The following THADA variants were observed in gnomAD, a reference collection of about 807,000 sequenced individuals.
THADA encodes THADA armadillo repeat containing.
THADA carries 213 observed loss-of-function variants against 219.8 expected under a neutral mutation model. The ratio of observed to expected loss-of-function variants is 0.97; its 90% confidence interval spans 0.87 to 1.09. THADA has a LOEUF of 1.09. Among genes scored for constraint, THADA ranks in the 50% least tolerant of loss-of-function variants. The pLI is 0.00. For missense variants in THADA, 2,956 were observed against 2,311.3 expected (o/e 1.28, Z -5.72); for synonymous variants, 1,018 against 828.9 (o/e 1.23, Z -3.92).
intron 26 of THADA, among the ~76,000 whole-genome samples, chr2:43,480,294 A>G (rs1337178114): frequency 1.3e-5 from 2 of 152,174 alleles, no homozygotes; most frequent in African/African-American, 4.8e-5. Context: ...CCCACGCACT[A>G]AAGAAATGTT....
At position 43,574,982 on chromosome 2, in the gene THADA, T is replaced by C. The variant is rs1699705768; in HGVS notation, c.1083A>G (p.Ala361=). ...TLEMFLSRIL[A]SWTNSAIQVL... ...CTTGTATGGCTGAATTAGTCCAGGATGCTAAGATTCTAGACAGAAACATTT... is the reference window on the plus strand; with the variant it reads ...CTTGTATGGCTGAATTAGTCCAGGACGCTAAGATTCTAGACAGAAACATTT... Residue 361 remains alanine, a synonymous_variant, in exon 11 of 38, where the codon GCA becomes GCG. Coordinates refer to ENST00000405975, the MANE Select transcript of THADA (RefSeq NM_022065.5). The C allele has an allele frequency of 1.2e-6, 2 of 1,613,938 alleles. No individual in the cohort carries two copies. The highest frequency in any genetic ancestry group is 1.7e-6 in the Non-Finnish European group (2 of 1,179,864).
chr2:43,529,472 G>A (rs1012381407), intron 21 of THADA, among the ~76,000 whole-genome samples: 5 of 152,082 alleles, frequency 3.3e-5, no homozygotes, highest in Non-Finnish European at 7.4e-5. Flanking sequence ...TCAGCCTCCC[G>A]AGTAGCTGTT....
intron 26 of THADA, among the ~76,000 whole-genome samples, chr2:43,436,255 T>G (rs373527255): frequency 6.6e-6 from 1 of 152,026 alleles, no homozygotes; most frequent in African/African-American, 2.4e-5. Context: ...TTTGAGGAAG[T>G]AGAGAGAATA....
intron 22 of THADA, among the ~76,000 whole-genome samples, chr2:43,526,750 T>C (rs866376079): frequency 1.3e-5 from 2 of 152,200 alleles, no homozygotes; most frequent in African/African-American, 2.4e-5. Context: ...TTGAATTTCA[T>C]CTCTACTTAT....
At chr2:43,272,376 T>G (rs1672226453) in intron 36 of THADA, among the ~76,000 whole-genome samples, 1 of 152,078 alleles carries the variant, frequency 6.6e-6, no homozygotes, top group Non-Finnish European at 1.5e-5. Context: ...CGAACAAAAA[T>G]AGAGGCAGGA....
rs757891998 is a variant in THADA, at chr2:43,574,542, T to C, written c.1523A>G (p.His508Arg). ...ACTCTCAGCAGTCTGGGATTTCAAATGACTCTTATGATTTCTAAACATGGT... is the reference window on the plus strand; with the variant it reads ...ACTCTCAGCAGTCTGGGATTTCAAACGACTCTTATGATTTCTAAACATGGT... ...LETMFRNHKS[H>R]LKSQTAESSW... Residue 508 changes from histidine (H) to arginine (R), a missense_variant, in exon 11 of 38, where the codon CAT (histidine) becomes CGT (arginine). Coordinates refer to ENST00000405975, the MANE Select transcript of THADA (RefSeq NM_022065.5). 4.9e-5 allele frequency: 79 copies of C among 1,614,014 alleles called. 1 individual carries two copies. In the Middle Eastern group the frequency reaches 6.6e-4, roughly 13 times the overall value.
chr2:43,466,331 C>T (rs1212633063), intron 26 of THADA, among the ~76,000 whole-genome samples: 2 of 152,166 alleles, frequency 1.3e-5, no homozygotes, highest in African/African-American at 2.4e-5. Context: ...ATCATCTGTC[C>T]TCCTGGCTCC....
At chr2:43,419,348 A>G (rs1413799538) in intron 28 of THADA, among the ~76,000 whole-genome samples, 1 of 152,202 alleles carries the variant, frequency 6.6e-6, no homozygotes, top group Non-Finnish European at 1.5e-5. Flanking sequence ...AGGAAGGAAA[A>G]AGTAAAAGGA....
chr2:43,428,618 T>G (rs145423953), intron 27 of THADA, among the ~76,000 whole-genome samples: 8 of 152,066 alleles, frequency 5.3e-5, no homozygotes, highest in South Asian at 2.1e-4. Flanking sequence ...AACAAAATTA[T>G]GTATATGAAG....
Position 43,292,855 on chromosome 2 carries a change from A to C in THADA, c.4797T>G (p.Asn1599Lys). The C allele has an allele frequency of 1.2e-6, 2 of 1,613,194 alleles. No individual in the cohort carries two copies. The highest frequency in any genetic ancestry group is 4.5e-5 in the East Asian group (2 of 44,888). Residue 1599 changes from asparagine to lysine, a missense_variant, in exon 32 of 38, where the codon AAT becomes AAG. Physicochemically the swap from Asn to Lys is moderately conservative, Grantham distance 94. Transcript: ENST00000405975. ...EKFLLLAMKE[N>K]HPECFCKILK... ...TTACCTTGCAGAAGCATTCTGGGTGATTTTCCTTCATGGCCAACAATAAGA... is the reference window on the plus strand; with the variant it reads ...TTACCTTGCAGAAGCATTCTGGGTGCTTTTCCTTCATGGCCAACAATAAGA...
intron 30 of THADA, among the ~76,000 whole-genome samples, chr2:43,333,728 A>G (rs1407274248): frequency 1.3e-5 from 2 of 152,236 alleles, no homozygotes; most frequent in South Asian, 2.1e-4. Context: ...TATTTTAACA[A>G]TCATCCTGGA....
At chr2:43,304,991 A>G (rs1034677970) in intron 31 of THADA, among the ~76,000 whole-genome samples, 2 of 152,170 alleles carry the variant, frequency 1.3e-5, no homozygotes, top group African/African-American at 4.8e-5. Context: ...CTTTCAATGC[A>G]TAGGGAGACA....
chr2:43,444,715 G>A (rs967145358), intron 26 of THADA, among the ~76,000 whole-genome samples: 1 of 151,714 alleles, frequency 6.6e-6, no homozygotes, highest in African/African-American at 2.4e-5. Context: ...CTGGTGAAAC[G>A]TGTTGAAAAA....
At chr2:43,464,346 A>AGAAG (rs1683984276) in intron 26 of THADA, among the ~76,000 whole-genome samples, 1 of 152,254 alleles carries the variant, frequency 6.6e-6, no homozygotes, top group South Asian at 2.1e-4. Context: ...AAAAAGAAGT[A>AGAAG]GAAGGAAAAA....
At chr2:43,497,808 C>A (rs1259281377) in intron 25 of THADA, among the ~76,000 whole-genome samples, 1 of 152,054 alleles carries the variant, frequency 6.6e-6, no homozygotes, top group East Asian at 1.9e-4. Context: ...TCACTTGAAC[C>A]CAGGAAGCAG....
At chr2:43,348,687 A>C (rs943287369) in intron 29 of THADA, among the ~76,000 whole-genome samples, 1 of 152,174 alleles carries the variant, frequency 6.6e-6, no homozygotes, top group African/African-American at 2.4e-5. Flanking sequence ...AAGGCGCAGG[A>C]AAGAGCCTCT....
At chr2:43,255,220 A>T (rs576900411) in intron 36 of THADA, among the ~76,000 whole-genome samples, 6 of 152,212 alleles carry the variant, frequency 3.9e-5, no homozygotes, top group Non-Finnish European at 7.4e-5. Context: ...GGTTTAAGGT[A>T]GGTGCGGGTT....
intron 35 of THADA, among the ~76,000 whole-genome samples, chr2:43,285,253 TC>T (rs1406109616): frequency 6.6e-6 from 1 of 152,174 alleles, no homozygotes; most frequent in African/African-American, 2.4e-5. Flanking sequence ...TGGACTTGTG[TC>T]CCCACCCAAA....
chr2:43,487,127 A>C (rs957070686), intron 25 of THADA, among the ~76,000 whole-genome samples: 2 of 152,062 alleles, frequency 1.3e-5, no homozygotes, highest in Non-Finnish European at 2.9e-5. Context: ...TAACAAATCA[A>C]TCCATGCTGT....
Sources: allele counts gnomAD v4.1 joint callset (sites outside exome capture counted in the v4.1 genomes callset), GRCh38; gene constraint gnomAD v4.1.1; transcripts MANE v1.5; gene names NCBI Gene and HGNC (gene_info 2026-07-23, HGNC 2026-07-21).